The following CHEK1 variants were observed in gnomAD, a reference collection of about 807,000 sequenced individuals.
The protein encoded by CHEK1 is serine/threonine-protein kinase Chk1.
In CHEK1, 32 loss-of-function variants were observed where a neutral mutation model predicts 60.2. The observed-to-expected ratio is 0.53, with a 90% CI of 0.40 to 0.71. The LOEUF is 0.71. CHEK1 is among the 30% of genes least tolerant of loss of function. The probability of loss-of-function intolerance (pLI) is 0.00; values close to 1 mark genes in which losing one functional copy is unlikely to be tolerated. For missense variants in CHEK1, 399 were observed against 564.6 expected (o/e 0.71, Z 2.97); for synonymous variants, 179 against 187.2 (o/e 0.96, Z 0.36).
At chr11:125,658,685 CTTTTTT>C (rs67342073), downstream of CHEK1, among the ~76,000 whole-genome samples, 48 of 34,876 alleles carry the variant, frequency 1.4e-3, no homozygotes, top group African/African-American at 5.2e-3. Flanking sequence ...ATGGCTTTTG[CTTTTTT>C]TTTTTTTTTT....
At chr11:125,677,829 G>T (rs1942587211), downstream of CHEK1, 4 of 1,614,036 alleles carry the variant, frequency 2.5e-6, no homozygotes, top group Non-Finnish European at 2.5e-6. Flanking sequence ...TGCACCTGAA[G>T]CCTGTTCCCC....
intron 8 of CHEK1, among the ~76,000 whole-genome samples, chr11:125,640,551 AAAAG>A (rs1407401415): frequency 6.6e-6 from 1 of 152,058 alleles, no homozygotes; most frequent in African/African-American, 2.4e-5. Flanking sequence ...AAAAAAAAAA[AAAAG>A]AAATTCATGG....
intron 2 of CHEK1, 112 bp downstream of exon 2, chr11:125,626,945 T>C: frequency 8.5e-7 from 1 of 1,170,142 alleles, no homozygotes; most frequent in South Asian, 1.4e-5. Context: ...TTTTGGCAAC[T>C]GAAGTTACAC....
chr11:125,680,781 C>G, downstream of CHEK1: 1 of 1,613,638 alleles, frequency 6.2e-7, no homozygotes, highest in Non-Finnish European at 8.5e-7. Context: ...ACCTGTTCAT[C>G]TGGATTTAGG....
chr11:125,680,406 A>T (rs1942742577), downstream of CHEK1, among the ~76,000 whole-genome samples: 1 of 152,172 alleles, frequency 6.6e-6, no homozygotes, highest in Non-Finnish European at 1.5e-5. Flanking sequence ...CTCACATTTA[A>T]TTGGTGGGAC....
chr11:125,634,156 G>A (rs140536682), intron 6 of CHEK1, among the ~76,000 whole-genome samples: 52 of 151,862 alleles, frequency 3.4e-4, no homozygotes, highest in African/African-American at 1.1e-3. Flanking sequence ...CATCACACCC[G>A]GCTAATTTTT....
chr11:125,637,995 A>G (rs948217086), intron 8 of CHEK1, among the ~76,000 whole-genome samples: 1 of 152,228 alleles, frequency 6.6e-6, no homozygotes, highest in Admixed American at 6.5e-5. Flanking sequence ...AGCACAGTAT[A>G]TGGTGCACCA....
At chr11:125,665,869 CTTT>C (rs66560397) in intron 13 of CHEK1, among the ~76,000 whole-genome samples, 9 of 30,526 alleles carry the variant, frequency 2.9e-4, no homozygotes, top group African/African-American at 5.6e-4. Flanking sequence ...CTTCATTCCC[CTTT>C]TTTTTTTTTT....
chr11:125,638,833 T>C (rs893084556), intron 8 of CHEK1, among the ~76,000 whole-genome samples: 1 of 152,200 alleles, frequency 6.6e-6, no homozygotes, highest in Non-Finnish European at 1.5e-5. Flanking sequence ...AAATATTTAT[T>C]TGGATCATCC....
chr11:125,651,033 C>G (rs922454937), intron 11 of CHEK1, among the ~76,000 whole-genome samples: 3 of 152,030 alleles, frequency 2.0e-5, no homozygotes, highest in Admixed American at 2.0e-4. Flanking sequence ...ATGTACTGCC[C>G]TGGTCATGGG....
chr11:125,672,371 G>T, intron 13 of CHEK1: 1 of 514,802 alleles, frequency 1.9e-6, no homozygotes, highest in Non-Finnish European at 3.3e-6. Flanking sequence ...AAAAAAATCA[G>T]GAATATTGAG....
chr11:125,671,994 A>T (rs1942214795), intron 13 of CHEK1: 1 of 152,242 alleles, frequency 6.6e-6, no homozygotes, highest in Non-Finnish European at 1.5e-5. Context: ...GCAAATAAGG[A>T]ATCATTATAC....
At chr11:125,676,447 A>T (rs1392713756), downstream of CHEK1, 1 of 1,614,068 alleles carries the variant, frequency 6.2e-7, no homozygotes, top group African/African-American at 1.3e-5. Flanking sequence ...GATCATTCAT[A>T]TAAGCACATG....
At chr11:125,678,205 G>T, downstream of CHEK1, 1 of 1,614,114 alleles carries the variant, frequency 6.2e-7, no homozygotes, top group Non-Finnish European at 8.5e-7. Context: ...GCATCAGAAG[G>T]GTTTTCAAGT....
Position 125,653,225 on chromosome 11 carries a change from G to T in CHEK1, c.1234-521G>T, listed in dbSNP as rs1941797419. Among the ~76,000 whole-genome samples the T allele has an allele frequency of 6.6e-6, 1 of 151,734 alleles. No individual in the cohort carries two copies. Among genetic ancestry groups the T allele is most frequent in the Admixed American group, 6.6e-5 (1 of 15,230 alleles). ...ATCTGTTTGCTTGGCTTTTTGTTTT[G>T]TTTTTTTGAGACAGGGTCTCGCTCT... On this transcript the variant is annotated intron_variant, in intron 11 of 12. Coordinates refer to ENST00000438015, the MANE Select transcript of CHEK1 (RefSeq NM_001114122.3). The surrounding 1 kb of genome is among the most constrained non-coding windows in gnomAD (Gnocchi z 4.3).
At chr11:125,643,746 C>G in intron 8 of CHEK1, 46 bp from the exon 9 acceptor site, 2 of 1,464,648 alleles carry the variant, frequency 1.4e-6, no homozygotes, top group Non-Finnish European at 1.9e-6. Flanking sequence ...TAAAAACATA[C>G]TTGCATAGAA....
intron 13 of CHEK1, among the ~76,000 whole-genome samples, chr11:125,669,480 T>C (rs912933935): frequency 6.6e-5 from 10 of 151,968 alleles, no homozygotes; most frequent in African/African-American, 2.4e-4. Context: ...AGTAATTTGC[T>C]TATTATGTGC....
At chr11:125,666,691 A>G (rs2134092172) in intron 13 of CHEK1, among the ~76,000 whole-genome samples, 1 of 152,250 alleles carries the variant, frequency 6.6e-6, no homozygotes, top group South Asian at 2.1e-4. Flanking sequence ...GGGTACATGT[A>G]TATTTACTAT....
intron 2 of CHEK1, 96 bp from the exon 3 acceptor site, chr11:125,627,509 GTA>G: frequency 2.1e-6 from 2 of 952,750 alleles, no homozygotes; most frequent in Non-Finnish European, 1.5e-6. Context: ...TGTGGAAAAA[GTA>G]ATAGAGGTAA....
Sources: gnomAD v4.1 joint callset for allele counts (sites outside exome capture counted in the v4.1 genomes callset) on GRCh38, gnomAD v4.1.1 for gene constraint, Gnocchi (gnomAD v3.1) non-coding constraint, MANE v1.5 for transcripts, NCBI Gene and HGNC (gene_info 2026-07-23, HGNC 2026-07-21) for gene names.